Variants in CCNJL observed in about 807,000 individuals in gnomAD.
The protein encoded by CCNJL is cyclin J like.
CCNJL carries 33 observed loss-of-function variants against 33.4 expected under a neutral mutation model. The observed-to-expected ratio is 0.99, with a 90% CI of 0.75 to 1.32. The LOEUF (loss-of-function observed/expected upper bound fraction) is 1.32, where lower values mean the gene tolerates loss of function less well. CCNJL is among the 40% of genes most tolerant of loss of function. The pLI is 0.00. For synonymous variants in CCNJL, 227 were observed against 220.9 expected (o/e 1.03, Z -0.24); for missense variants, 512 against 499.7 (o/e 1.02, Z -0.23).
rs1279517448 is a variant in CCNJL at position 160,253,334 on chromosome 5, T to C, written c.*44A>G. 1 of 1,529,284 alleles carries C rather than the reference T, an allele frequency of 6.5e-7. No homozygotes were observed. Among genetic ancestry groups the C allele is most frequent in the Middle Eastern group, 2.0e-4 (1 of 4,960 alleles). The allele number at this position is 1,529,284 out of a possible 1,614,324, so 94.7% of individuals were successfully genotyped here. On this transcript the variant is annotated 3_prime_UTR_variant, in exon 6 of 6. Coordinates refer to ENST00000257536, the MANE Select transcript of CCNJL (RefSeq NM_001308173.3). The stretch of plus-strand genomic sequence containing the variant: ...GCTCTCCTCTTCAGTGTCCTCTTCC[T>C]CTGCCCACATCTCCAAGGCTTCCTC...
In CCNJL at chr5:160,285,760, T is replaced by C. The variant is rs141744286; in HGVS notation, c.67-5022A>G. ...AACGTGGGCAGGGGCCCAGCTTGCA[T>C]GCCCTGTTGAGAAAACTGCCTTGCC... On this transcript the variant is annotated intron_variant, in intron 2 of 5. Coordinates refer to ENST00000257536, the MANE Select transcript of CCNJL (RefSeq NM_001308173.3). Among the ~76,000 whole-genome samples the C allele has an allele frequency of 4.3e-3, 659 of 152,346 alleles. 7 individuals carry two copies. Among genetic ancestry groups the C allele is most frequent in the African/African-American group, 0.015 (624 of 41,576 alleles).
At chr5:160,322,753 A>G (rs1204739686) in intron 1 of CCNJL, among the ~76,000 whole-genome samples, 1 of 143,956 alleles carries the variant, frequency 6.9e-6, no homozygotes, top group Non-Finnish European at 1.5e-5. Context: ...TAAAGCTACA[A>G]AAATTAGCTG....
At chr5:160,293,565 G>A (rs776749907) in intron 2 of CCNJL, among the ~76,000 whole-genome samples, 1 of 152,128 alleles carries the variant, frequency 6.6e-6, no homozygotes, top group African/African-American at 2.4e-5. Flanking sequence ...ACACATGTCG[G>A]CATGCGCATG....
At chr5:160,254,193 G>A (rs1760951842) in intron 5 of CCNJL, 2 of 505,398 alleles carry the variant, frequency 4.0e-6, no homozygotes, top group Non-Finnish European at 7.0e-6. Flanking sequence ...TGGCACTGGA[G>A]TGTTCCTGGG....
intron 2 of CCNJL, among the ~76,000 whole-genome samples, chr5:160,309,996 T>G (rs1040562053): frequency 6.6e-6 from 1 of 152,202 alleles, no homozygotes; most frequent in Non-Finnish European, 1.5e-5. Flanking sequence ...AAGGAACATT[T>G]AGGACATCCT....
intron 1 of CCNJL, among the ~76,000 whole-genome samples, chr5:160,324,639 A>ATCTATCTATCTATCTATCTG (rs1380808728): frequency 2.0e-5 from 3 of 152,084 alleles, no homozygotes; most frequent in Non-Finnish European, 4.4e-5. Context: ...CTATCTATCT[A>ATCTATCTATCTATCTATCTG]TCTATAATAA....
At chr5:160,322,268 T>A (rs1763480615) in intron 1 of CCNJL, among the ~76,000 whole-genome samples, 1 of 152,208 alleles carries the variant, frequency 6.6e-6, no homozygotes. Context: ...CCCTCTTCCC[T>A]CTTTTCCCAA....
chr5:160,322,779 C>T (rs1174416510), intron 1 of CCNJL, among the ~76,000 whole-genome samples: 12 of 150,256 alleles, frequency 8.0e-5, no homozygotes, highest in Non-Finnish European at 4.4e-5. Flanking sequence ...GGTTGCGCAG[C>T]GCACCTGTAG....
intron 3 of CCNJL, among the ~76,000 whole-genome samples, chr5:160,265,595 AC>A (rs1173948988): frequency 6.6e-6 from 1 of 151,962 alleles, no homozygotes; most frequent in Non-Finnish European, 1.5e-5. Context: ...AGACCACGCC[AC>A]TGCACTCCAT....
chr5:160,317,196 T>C (rs1763389889), upstream of CCNJL, among the ~76,000 whole-genome samples: 1 of 152,248 alleles, frequency 6.6e-6, no homozygotes, highest in Admixed American at 6.5e-5. Flanking sequence ...AAATCCTTTA[T>C]GATCCTTGAC....
intron 1 of CCNJL, among the ~76,000 whole-genome samples, chr5:160,327,963 C>T (rs1488190446): frequency 6.6e-6 from 1 of 152,126 alleles, no homozygotes; most frequent in Non-Finnish European, 1.5e-5. Flanking sequence ...TCAGACACCC[C>T]CTGACACTGG....
At chr5:160,290,013 C>T (rs1273766355) in intron 2 of CCNJL, among the ~76,000 whole-genome samples, 5 of 152,180 alleles carry the variant, frequency 3.3e-5, no homozygotes, top group Non-Finnish European at 7.3e-5. Flanking sequence ...AAAAATTCAG[C>T]ATGTGCTCTT....
upstream of CCNJL, among the ~76,000 whole-genome samples, chr5:160,314,567 C>A (rs1268492338): frequency 6.6e-6 from 1 of 152,006 alleles, no homozygotes; most frequent in South Asian, 2.1e-4. Flanking sequence ...GGGAAGAAAC[C>A]AAAGGCAAGG....
At chr5:160,257,613 G>T (rs947448020) in intron 4 of CCNJL, among the ~76,000 whole-genome samples, 4 of 151,866 alleles carry the variant, frequency 2.6e-5, no homozygotes, top group Admixed American at 6.6e-5. Context: ...AGGAGTTCGA[G>T]ACCTACCTGG....
chr5:160,260,257 CT>C (rs1302510581), intron 3 of CCNJL, among the ~76,000 whole-genome samples: 1 of 152,210 alleles, frequency 6.6e-6, no homozygotes, highest in East Asian at 1.9e-4. Context: ...TGTAGAAAAG[CT>C]CTTCAATGGC....
At position 160,280,536 on chromosome 5, in the gene CCNJL, A is replaced by C; in HGVS notation, c.269T>G (p.Leu90Arg). ...AGGTTTTCGCTTACTTGCAAGCAGG[A>C]GGCAGGAGACGGCCACGGTGTAGAG... is the stretch of plus-strand genomic sequence containing the variant. ...KQLYTVAVSC[L>R]LLASKFEDRE... Residue 90 changes from leucine (L) to arginine (R), a missense_variant, in exon 3 of 6, where the codon CTC becomes CGC. Physicochemically the swap from Leu to Arg is moderately radical, Grantham distance 102. Transcript: ENST00000257536. 1.2e-6 allele frequency: 2 copies of C among 1,612,536 alleles called. No individual in the cohort carries two copies. Among genetic ancestry groups the C allele is most frequent in the South Asian group, 1.1e-5 (1 of 91,040 alleles).
chr5:160,268,094 T>C (rs1166992337), intron 3 of CCNJL, among the ~76,000 whole-genome samples: 2 of 152,208 alleles, frequency 1.3e-5, no homozygotes, highest in East Asian at 1.9e-4. Context: ...CTTGCAGTTA[T>C]TGAAGGCAAG....
At chr5:160,317,887 G>C (rs1044871836), upstream of CCNJL, among the ~76,000 whole-genome samples, 1 of 152,142 alleles carries the variant, frequency 6.6e-6, no homozygotes, top group Admixed American at 6.5e-5. Context: ...TGGTTTTTGG[G>C]GGTGGCCAGG....
intron 2 of CCNJL, among the ~76,000 whole-genome samples, chr5:160,286,977 C>T (rs1762427365): frequency 6.6e-6 from 1 of 152,076 alleles, no homozygotes; most frequent in East Asian, 1.9e-4. Context: ...AAATATGTAT[C>T]GAATAAGAAA....
Sources: allele counts gnomAD v4.1 joint callset (sites outside exome capture counted in the v4.1 genomes callset), GRCh38; gene constraint gnomAD v4.1.1; transcripts MANE v1.5; gene names NCBI Gene and HGNC (gene_info 2026-07-23, HGNC 2026-07-21).